The following MCL1 variants were observed in gnomAD, a reference collection of about 807,000 sequenced individuals.
MCL1 encodes the protein induced myeloid leukemia cell differentiation protein Mcl-1.
MCL1 carries 4 observed loss-of-function variants against 24.2 expected under a neutral mutation model. The ratio of observed to expected loss-of-function variants is 0.17; its 90% CI spans 0.08 to 0.38. The LOEUF (loss-of-function observed/expected upper bound fraction) is 0.38. Ranked by LOEUF, MCL1 falls within the 10% of genes least tolerant of loss-of-function variation. The pLI, the probability that MCL1 is intolerant of heterozygous loss-of-function variation, is 1.00. For synonymous variants in MCL1, 248 were observed against 214.0 expected (o/e 1.16, Z -1.39); for missense variants, 529 against 480.3 (o/e 1.10, Z -0.95).
At chr1:150,577,602 A>C (rs1354107948) in intron 2 of MCL1, 111 bp from the exon 3 acceptor site, 1 of 1,171,356 alleles carries the variant, frequency 8.5e-7, no homozygotes, top group South Asian at 1.7e-5. Flanking sequence ...CCCCTAAAGC[A>C]ATAGTAAACC....
In MCL1 at chr1:150,574,786, C is replaced by CA. The variant is rs1647718146; in HGVS notation, c.*2588dup. On this transcript the variant is annotated 3_prime_UTR_variant, in exon 3 of 3. Transcript: ENST00000369026. ...AGAGAAGCGTAAGACAAACAGAAGT[C>CA]AAAAAGTAGTCACTGGGAGCGCCAT... The CA allele has an allele frequency of 4.3e-6, 1 of 233,154 alleles. No individual in the cohort carries two copies. The highest frequency in any genetic ancestry group is 6.0e-5 in the East Asian group (1 of 16,552). The allele number at this position is 233,154 out of a possible 1,614,324, so 14.4% of individuals were successfully genotyped here.
intron 2 of MCL1, 21 bp downstream of exon 2, chr1:150,578,223 T>G: frequency 6.2e-7 from 1 of 1,605,812 alleles, no homozygotes; most frequent in Non-Finnish European, 8.5e-7. Flanking sequence ...AAGGCCCCTT[T>G]CATCCTTAAG....
intron 2 of MCL1, 83 bp downstream of exon 2, chr1:150,578,161 C>T: frequency 6.7e-7 from 1 of 1,481,532 alleles, no homozygotes; most frequent in South Asian, 1.3e-5. Flanking sequence ...TCATAAAAAC[C>T]TTTAGATATC....
rs1647800819 is a variant in MCL1, at chr1:150,576,299, G to C, written c.*1076C>G. The C allele has an allele frequency of 4.3e-6, 1 of 232,976 alleles. No homozygotes were observed. The highest frequency in any genetic ancestry group is 8.5e-6 in the Non-Finnish European group (1 of 117,778). The allele number at this position is 232,976 out of a possible 1,614,324, so 14.4% of individuals were successfully genotyped here. On this transcript the variant is annotated 3_prime_UTR_variant, in exon 3 of 3. Transcript: ENST00000369026. ...CCCAATCAGAGCCCATTATTTGTAA[G>C]TCATCAGTAACCTTAAAACTCCACT...
chr1:150,577,699 A>T (rs917062573), intron 2 of MCL1, among the ~76,000 whole-genome samples: 2 of 152,232 alleles, frequency 1.3e-5, no homozygotes, highest in Non-Finnish European at 2.9e-5. Context: ...TTCATTTTAC[A>T]GTACTATCTT....
At position 150,577,036 on chromosome 1, in the gene MCL1, C is replaced by T; in HGVS notation, c.*339G>A. 1 of 297,128 alleles carries T rather than the reference C, an allele frequency of 3.4e-6. No individual in the cohort carries two copies. Among genetic ancestry groups the T allele is most frequent in the Non-Finnish European group, 6.5e-6 (1 of 154,518 alleles). 18.4% of individuals were successfully genotyped at this position (297,128 alleles called of 1,614,324 possible). ...GCGGGTAATCAATTCTATGACTTGC[C>T]TGGCTACTGGCCACTTTCCTGTTCT... On this transcript the variant is annotated 3_prime_UTR_variant, in exon 3 of 3. Coordinates refer to ENST00000369026, the MANE Select transcript of MCL1 (RefSeq NM_021960.5).
At position 150,577,232 on chromosome 1, in the gene MCL1, C is replaced by CCATA; in HGVS notation, c.*139_*142dup. Reference sequence around the variant, plus strand: ...CTTCCCATGTATTTATTCTTGTTAGCCATAATCCTCTTGCCACTTGCTTTT... The same window carrying CCATA: ...CTTCCCATGTATTTATTCTTGTTAGCCATACATAATCCTCTTGCCACTTGCTTTT... On this transcript the variant is annotated 3_prime_UTR_variant, in exon 3 of 3. Coordinates refer to ENST00000369026, the MANE Select transcript of MCL1 (RefSeq NM_021960.5). 9.9e-7 allele frequency: 1 copy of CCATA among 1,007,468 alleles called. No homozygotes were observed. The highest frequency in any genetic ancestry group is 1.5e-6 in the Non-Finnish European group (1 of 685,388). The allele number at this position is 1,007,468 out of a possible 1,614,324, so 62.4% of individuals were successfully genotyped here.
Position 150,579,043 on chromosome 1 carries a change from G to A in MCL1, c.488C>T (p.Thr163Met), listed in dbSNP as rs768904402. Residue 163 changes from threonine (T) to methionine (M), a missense_variant, in exon 1 of 3, where the codon ACG becomes ATG. Transcript: ENST00000369026. ...CTCCTCCTCCTCTGCTGGCGGCGGC[G>A]TCGAGGGTAGTGACCCGTCCGTACT... ...NTSTDGSLPS[T>M]PPPAEEEEDE... 9.9e-6 allele frequency: 16 copies of A among 1,613,194 alleles called. No homozygotes were observed. Among genetic ancestry groups the A allele is most frequent in the Non-Finnish European group, 1.4e-5 (16 of 1,180,032 alleles).
At chr1:150,578,149 C>T (rs2101695059) in intron 2 of MCL1, 95 bp downstream of exon 2, 2 of 1,349,000 alleles carry the variant, frequency 1.5e-6, no homozygotes, top group South Asian at 1.4e-5. Context: ...AACAGCCGTG[C>T]GTCATAAAAA....
At chr1:150,578,777 G>A in intron 1 of MCL1, 66 bp downstream of exon 1, 1 of 1,513,826 alleles carries the variant, frequency 6.6e-7, no homozygotes, top group Non-Finnish European at 9.0e-7. Flanking sequence ...CCCACCCTTG[G>A]CGGGTGAGTC....
rs985918906 is a variant in MCL1, at chr1:150,575,370, C to T, written c.*2005G>A. On this transcript the variant is annotated 3_prime_UTR_variant, in exon 3 of 3. Coordinates refer to ENST00000369026, the MANE Select transcript of MCL1 (RefSeq NM_021960.5). ...TTCCGAGACTGAAGCTTTCAAATGA[C>T]CCTAGTTCCAATATAGACACTTTCT... The T allele has an allele frequency of 1.3e-5, 3 of 232,972 alleles. No individual in the cohort carries two copies. The highest frequency in any genetic ancestry group is 2.5e-5 in the Non-Finnish European group (3 of 117,784). 14.4% of individuals were successfully genotyped at this position (232,972 alleles called of 1,614,324 possible).
intron 2 of MCL1, among the ~76,000 whole-genome samples, chr1:150,577,978 G>A (rs1346777016): frequency 3.3e-5 from 5 of 151,996 alleles, no homozygotes; most frequent in Admixed American, 1.3e-4. Context: ...TTTTTTCATG[G>A]TTTGAATCCA....
In MCL1 at chr1:150,574,643, A is replaced by T. The variant is rs890352368; in HGVS notation, c.*2732T>A. The T allele has an allele frequency of 8.6e-6, 2 of 233,068 alleles. No homozygotes were observed. Among genetic ancestry groups the T allele is most frequent in the Admixed American group, 1.1e-4 (2 of 17,768 alleles). 14.4% of individuals were successfully genotyped at this position (233,068 alleles called of 1,614,324 possible). On this transcript the variant is annotated 3_prime_UTR_variant, in exon 3 of 3. Coordinates refer to ENST00000369026, the MANE Select transcript of MCL1 (RefSeq NM_021960.5). Reference sequence around the variant, plus strand: ...CATTTGACAACCAACATTAATTTGTAGTTGGTCCTAACCCTTCCTGGCACA... The same window carrying T: ...CATTTGACAACCAACATTAATTTGTTGTTGGTCCTAACCCTTCCTGGCACA...
In MCL1 at chr1:150,576,906, T is replaced by C. The variant is rs974876805; in HGVS notation, c.*469A>G. 2 of 236,136 alleles carry C rather than the reference T, an allele frequency of 8.5e-6. No individual in the cohort carries two copies. The highest frequency in any genetic ancestry group is 4.4e-5 in the African/African-American group (2 of 45,354). 14.6% of individuals were successfully genotyped at this position (236,136 alleles called of 1,614,324 possible). A position where few individuals can be genotyped will look rare whatever the true frequency, so the allele number is the denominator to read the frequency against. On this transcript the variant is annotated 3_prime_UTR_variant, in exon 3 of 3. Transcript: ENST00000369026. ...TTAGAGAGAGGAAAAGCTTCCCTTG[T>C]ACAGTACTGAGGCTTACAGTCATAG... is the stretch of plus-strand genomic sequence containing the variant.
rs770153208 is a variant in MCL1, at chr1:150,578,417, T to C, written c.763A>G (p.Ser255Gly). The change falls in exon 2 of 3, where the codon AGC (serine) becomes GGC (glycine). Residue 255 changes from serine to glycine, a missense_variant. Coordinates refer to ENST00000369026, the MANE Select transcript of MCL1 (RefSeq NM_021960.5). ...SLSRVMIHVF[S>G]DGVTNWGRIV... Reference sequence around the variant, plus strand: ...CTGCCCCAGTTTGTTACGCCGTCGCTGAAAACATGGATCATCACTCGAGAC... The same window carrying C: ...CTGCCCCAGTTTGTTACGCCGTCGCCGAAAACATGGATCATCACTCGAGAC... 8 of 1,614,106 alleles carry C rather than the reference T, an allele frequency of 5.0e-6. No individual in the cohort carries two copies. The highest frequency in any genetic ancestry group is 4.0e-5 in the African/African-American group (3 of 74,950).
Position 150,579,082 on chromosome 1 carries a change from G to T in MCL1, c.449C>A (p.Ser150Tyr). 6.2e-7 allele frequency: 1 copy of T among 1,613,218 alleles called. No individual in the cohort carries two copies. Among genetic ancestry groups the T allele is most frequent in the Non-Finnish European group, 8.5e-7 (1 of 1,180,042 alleles). ...CCCGTCCGTACTGGTGTTATTACCAGATTCCCCGACCAACTCCAGCAGCGG... is the reference window on the plus strand; with the variant it reads ...CCCGTCCGTACTGGTGTTATTACCATATTCCCCGACCAACTCCAGCAGCGG... ...VLPLLELVGE[S>Y]GNNTSTDGSL... Residue 150 changes from serine to tyrosine, a missense_variant, in exon 1 of 3, where the codon TCT becomes TAT. Physicochemically the swap from Ser to Tyr is moderately radical, Grantham distance 144. Coordinates refer to ENST00000369026, the MANE Select transcript of MCL1 (RefSeq NM_021960.5).
intron 2 of MCL1, 145 bp downstream of exon 2, chr1:150,578,094 TAAATC>T: frequency 3.2e-6 from 3 of 937,590 alleles, no homozygotes; most frequent in South Asian, 3.3e-5. Flanking sequence ...ATCCACTACT[TAAATC>T]AACATCAAAT....
In MCL1 at chr1:150,579,060, G is replaced by A. The variant is rs377087381; in HGVS notation, c.471C>T (p.Asp157=). The change falls in exon 1 of 3, where the codon GAC becomes GAT. Residue 157 remains aspartate, a synonymous_variant. Transcript: ENST00000369026. ...VGESGNNTST[D]GSLPSTPPPA... Reference sequence around the variant, plus strand: ...GCGGCGGCGTCGAGGGTAGTGACCCGTCCGTACTGGTGTTATTACCAGATT... The same window carrying A: ...GCGGCGGCGTCGAGGGTAGTGACCCATCCGTACTGGTGTTATTACCAGATT... 1 of 1,613,248 alleles carries A rather than the reference G, an allele frequency of 6.2e-7. No individual in the cohort carries two copies. The highest frequency in any genetic ancestry group is 8.5e-7 in the Non-Finnish European group (1 of 1,180,034).
chr1:150,578,408 C>A lies in MCL1; in HGVS notation c.772G>T (p.Val258Leu). Residue 258 changes from valine to leucine, a missense_variant, in exon 2 of 3, where the codon GTA becomes TTA. Transcript: ENST00000369026. Reference sequence around the variant, plus strand: ...GTCACAATCCTGCCCCAGTTTGTTACGCCGTCGCTGAAAACATGGATCATC... The same window carrying A: ...GTCACAATCCTGCCCCAGTTTGTTAAGCCGTCGCTGAAAACATGGATCATC... ...RVMIHVFSDG[V>L]TNWGRIVTLI... is the part of the protein sequence containing the mutation. 6.2e-7 allele frequency: 1 copy of A among 1,614,214 alleles called. No homozygotes were observed. The highest frequency in any genetic ancestry group is 8.5e-7 in the Non-Finnish European group (1 of 1,180,034).
Sources: gnomAD v4.1 joint callset for allele counts (sites outside exome capture counted in the v4.1 genomes callset) on GRCh38, gnomAD v4.1.1 for gene constraint, MANE v1.5 for transcripts, NCBI Gene and HGNC (gene_info 2026-07-23, HGNC 2026-07-21) for gene names.